Variants in RBFOX1 observed in about 807,000 individuals in gnomAD.
The protein encoded by RBFOX1 is RNA binding fox-1 homolog 1, also known as RNA binding protein fox-1 homolog 1.
In RBFOX1, 8 loss-of-function variants were observed where a neutral mutation model predicts 57.7. The ratio of observed to expected loss-of-function variants is 0.14; its 90% CI spans 0.08 to 0.25. The LOEUF is 0.25. Among genes scored for constraint, RBFOX1 ranks in the 10% least tolerant of loss-of-function variants. The pLI is 1.00. For missense variants in RBFOX1, 611 were observed against 548.5 expected (o/e 1.11, Z -1.14); for synonymous variants, 326 against 222.4 (o/e 1.47, Z -4.15).
chr16:7,371,215 T>A (rs143154584), intron 4 of RBFOX1, among the ~76,000 whole-genome samples: 2 of 152,304 alleles, frequency 1.3e-5, no homozygotes. Flanking sequence ...ATAACATTTG[T>A]GTGTTGTATG....
chr16:6,042,054 G>A (rs1249963791), intron 1 of RBFOX1, among the ~76,000 whole-genome samples: 1 of 151,726 alleles, frequency 6.6e-6, no homozygotes, highest in Non-Finnish European at 1.5e-5. Context: ...CCAGCAATAC[G>A]GGCATTTCTG....
At chr16:5,371,672 T>C (rs1235933305) in intron 1 of RBFOX1, among the ~76,000 whole-genome samples, 1 of 152,220 alleles carries the variant, frequency 6.6e-6, no homozygotes, top group African/African-American at 2.4e-5. Context: ...CACTTCTCTT[T>C]TTCCCACATT....
chr16:5,578,468 A>G (rs1043025443), intron 2 of RBFOX1, among the ~76,000 whole-genome samples: 1 of 152,226 alleles, frequency 6.6e-6, no homozygotes, highest in African/African-American at 2.4e-5. Context: ...CCCACCAGGA[A>G]AAACCCCATC....
chr16:7,161,998 A>G (rs1228891396), intron 4 of RBFOX1, among the ~76,000 whole-genome samples: 1 of 152,220 alleles, frequency 6.6e-6, no homozygotes, highest in African/African-American at 2.4e-5. Context: ...GAACACAGCC[A>G]GCTAGTAAGG....
chr16:6,637,233 ATT>A (rs2098447021), intron 2 of RBFOX1, among the ~76,000 whole-genome samples: 1 of 66,316 alleles, frequency 1.5e-5, no homozygotes, highest in African/African-American at 6.6e-5. Context: ...TACAATATAT[ATT>A]ATATATTATA....
intron 3 of RBFOX1, among the ~76,000 whole-genome samples, chr16:5,682,931 G>A (rs905056793): frequency 3.0e-4 from 45 of 152,234 alleles, no homozygotes; most frequent in African/African-American, 1.0e-3. Context: ...CCAGGGTCTA[G>A]TGTGAGTCCT....
chr16:6,601,141 G>A (rs908311413), intron 2 of RBFOX1, among the ~76,000 whole-genome samples: 3 of 152,208 alleles, frequency 2.0e-5, no homozygotes, highest in Admixed American at 1.3e-4. Flanking sequence ...AAGCCTTTGG[G>A]CTTTAAACTG....
chr16:6,613,334 T>G (rs745865886), intron 2 of RBFOX1, among the ~76,000 whole-genome samples: 20 of 152,040 alleles, frequency 1.3e-4, no homozygotes, highest in Non-Finnish European at 2.2e-4. Flanking sequence ...CTTTGAATGC[T>G]CAGGATGGTG....
intron 2 of RBFOX1, among the ~76,000 whole-genome samples, chr16:6,438,890 A>G (rs763000070): frequency 7.9e-5 from 12 of 152,296 alleles, no homozygotes; most frequent in Non-Finnish European, 1.3e-4. Context: ...GTTATCTGCA[A>G]TATCATATGT....
intron 3 of RBFOX1, among the ~76,000 whole-genome samples, chr16:5,630,677 A>C (rs1193336859): frequency 6.6e-6 from 1 of 152,060 alleles, no homozygotes; most frequent in Non-Finnish European, 1.5e-5. Context: ...GAGAGAAGCC[A>C]AGCCGGCTTC....
At chr16:6,758,227 G>T (rs1363007755) in intron 3 of RBFOX1, among the ~76,000 whole-genome samples, 1 of 151,942 alleles carries the variant, frequency 6.6e-6, no homozygotes, top group Admixed American at 6.6e-5. Flanking sequence ...TGAGATATTG[G>T]GAAGCTACTA....
chr16:6,541,927 C>T (rs1016749702), intron 2 of RBFOX1, among the ~76,000 whole-genome samples: 1 of 151,704 alleles, frequency 6.6e-6, no homozygotes, highest in African/African-American at 2.4e-5. Context: ...CTTTAGTGTT[C>T]ATTGATTTAC....
chr16:6,191,529 T>C (rs2097141791), intron 1 of RBFOX1, among the ~76,000 whole-genome samples: 1 of 152,174 alleles, frequency 6.6e-6, no homozygotes, highest in Non-Finnish European at 1.5e-5. Context: ...TCAAATGTTA[T>C]GAGTATACCA....
chr16:7,346,002 G>A (rs11646908), intron 4 of RBFOX1, among the ~76,000 whole-genome samples: 65,804 of 151,746 alleles, frequency 0.43, 16,411 homozygotes, highest in East Asian at 0.87. Context: ...AACAGGCCCC[G>A]GTGTGTGATG....
chr16:6,450,811 A>ATATG lies in RBFOX1; in HGVS notation c.-64+133757_-64+133758insGTAT, dbSNP rs2094588827. ...TATACATATATATATGTATATATAT[A>ATATG]TATATACATATATATATATATATAT... On this transcript the variant is annotated intron_variant, in intron 2 of 15. Transcript: ENST00000550418. Among the ~76,000 whole-genome samples, 31 of 24,118 alleles carry ATATG rather than the reference A, an allele frequency of 1.3e-3. 2 individuals are homozygous for ATATG. Among genetic ancestry groups the ATATG allele is most frequent in the African/African-American group, 5.8e-3 (24 of 4,150 alleles). The allele number at this position is 24,118 out of a possible 152,430, so 15.8% of individuals were successfully genotyped here.
At chr16:5,398,279 G>A (rs1027392787) in intron 1 of RBFOX1, among the ~76,000 whole-genome samples, 5 of 151,738 alleles carry the variant, frequency 3.3e-5, no homozygotes, top group African/African-American at 1.2e-4. Context: ...ACGTGCTGGT[G>A]TGTGTGCATG....
intron 2 of RBFOX1, among the ~76,000 whole-genome samples, chr16:5,548,166 A>ATAT (rs1420272771): frequency 3.3e-4 from 11 of 33,728 alleles, no homozygotes; most frequent in Non-Finnish European, 7.4e-4. Flanking sequence ...GTTAAAAAAA[A>ATAT]AAAAAAAAAT....
chr16:6,135,861 C>T lies in RBFOX1; in HGVS notation c.-127+115869C>T, dbSNP rs533610305. 2.1e-4 allele frequency among the ~76,000 whole-genome samples: 28 copies of T among 134,982 alleles called. 1 individual carries two copies. In the South Asian group the frequency reaches 6.1e-3, roughly 30 times the overall value. The allele number at this position is 134,982 out of a possible 152,430, so 88.6% of individuals were successfully genotyped here. On this transcript the variant is annotated intron_variant, in intron 1 of 15. Transcript: ENST00000550418. ...CCAGGCTGGAGTGCAGTGGCACGAT[C>T]TCAGCTCACTGTACCCTCTGCCTCC...
chr16:7,087,897 T>A (rs1048056785), intron 4 of RBFOX1, among the ~76,000 whole-genome samples: 1 of 151,284 alleles, frequency 6.6e-6, no homozygotes, highest in Non-Finnish European at 1.5e-5. Context: ...TCTTTCTCTT[T>A]CTCTCTCTCT....
Sources: gnomAD v4.1 joint callset for allele counts (sites outside exome capture counted in the v4.1 genomes callset) on GRCh38, gnomAD v4.1.1 for gene constraint, MANE v1.5 for transcripts, NCBI Gene and HGNC (gene_info 2026-07-23, HGNC 2026-07-21) for gene names.